MGAT4C: variants seen among roughly 807,000 people sequenced by gnomAD.
The protein encoded by MGAT4C is MGAT4 family member C, also known as alpha-1,3-mannosyl-glycoprotein 4-beta-N-acetylglucosaminyltransferase C.
Under a neutral mutation model 40.1 loss-of-function variants are expected in MGAT4C, and 19 were observed. That is an observed-to-expected ratio of 0.47 (90% CI 0.33 to 0.70). The LOEUF (loss-of-function observed/expected upper bound fraction) is 0.70, where lower values mean the gene tolerates loss of function less well. Ranked by LOEUF, MGAT4C falls within the 30% of genes least tolerant of loss-of-function variation. The pLI is 0.02. For synonymous variants in MGAT4C, 181 were observed against 187.1 expected (o/e 0.97, Z 0.27); for missense variants, 491 against 563.2 (o/e 0.87, Z 1.30).
intron 1 of MGAT4C, among the ~76,000 whole-genome samples, chr12:86,193,189 TTTGA>T (rs1282061745): frequency 4.0e-5 from 6 of 151,258 alleles, no homozygotes; most frequent in Admixed American, 6.6e-5. Flanking sequence ...CTTTTGTTCC[TTTGA>T]TTATCTTTCT....
intron 2 of MGAT4C, among the ~76,000 whole-genome samples, chr12:86,596,976 A>G (rs1961561341): frequency 6.6e-6 from 1 of 152,216 alleles, no homozygotes; most frequent in Non-Finnish European, 1.5e-5. Context: ...ACAACTGAGC[A>G]TCATTAATGT....
chr12:86,185,501 T>A (rs1888659696), intron 1 of MGAT4C, among the ~76,000 whole-genome samples: 1 of 152,130 alleles, frequency 6.6e-6, no homozygotes, highest in African/African-American at 2.4e-5. Flanking sequence ...TCTGTAGATA[T>A]ACACATAAGC....
chr12:86,720,567 G>A (rs183854191), intron 2 of MGAT4C, among the ~76,000 whole-genome samples: 5 of 152,098 alleles, frequency 3.3e-5, no homozygotes, highest in Non-Finnish European at 7.4e-5. Flanking sequence ...TCATGATCTA[G>A]CTCCTTACTC....
intron 2 of MGAT4C, among the ~76,000 whole-genome samples, chr12:86,503,787 CATATATATATAT>C (rs10679798): frequency 6.4e-5 from 1 of 15,736 alleles, no homozygotes; most frequent in Non-Finnish European, 1.2e-4. Context: ...GAGTTCTGCT[CATATATATATAT>C]ATATATATAT....
At chr12:86,680,299 C>A (rs1467241605) in intron 2 of MGAT4C, among the ~76,000 whole-genome samples, 1 of 151,816 alleles carries the variant, frequency 6.6e-6, no homozygotes, top group African/African-American at 2.4e-5. Flanking sequence ...GAAAATTTTA[C>A]AATTTATTTT....
At chr12:86,794,153 TAG>T (rs530967793) in intron 1 of MGAT4C, among the ~76,000 whole-genome samples, 188 of 151,912 alleles carry the variant, frequency 1.2e-3, no homozygotes, top group African/African-American at 4.1e-3. Flanking sequence ...ATTTAATATT[TAG>T]AGTTATAATA....
In MGAT4C at chr12:86,303,248, T is replaced by G. The variant is rs147645229; in HGVS notation, c.-57+30817A>C. On this transcript the variant is annotated intron_variant, in intron 4 of 7. Transcript: ENST00000548651. ...GTGAATTAATCTAAGATGTTATTAT[T>G]AATTGATTATGTCTGTATTCCTTTC... 7.3e-5 allele frequency among the ~76,000 whole-genome samples: 11 copies of G among 150,636 alleles called. 1 individual carries two copies. The East Asian group carries it at 1.9e-3, about 27-fold the overall frequency.
intron 1 of MGAT4C, among the ~76,000 whole-genome samples, chr12:86,160,028 C>G (rs1297001448): frequency 6.6e-6 from 1 of 151,784 alleles, no homozygotes; most frequent in Non-Finnish European, 1.5e-5. Flanking sequence ...ATTTTTACGT[C>G]TCAATTTCAT....
At chr12:86,261,489 A>G (rs915483035) in intron 4 of MGAT4C, among the ~76,000 whole-genome samples, 2 of 152,106 alleles carry the variant, frequency 1.3e-5, no homozygotes, top group East Asian at 1.9e-4. Flanking sequence ...TCTGTTCCTC[A>G]TTTGAATTAG....
chr12:85,994,196 C>G (rs960459329), intron 2 of MGAT4C, among the ~76,000 whole-genome samples: 2 of 152,162 alleles, frequency 1.3e-5, no homozygotes, highest in Admixed American at 1.3e-4. Flanking sequence ...GATATAATTC[C>G]CAAGAGTTGA....
chr12:86,327,355 T>G (rs1268285945), intron 4 of MGAT4C, among the ~76,000 whole-genome samples: 1 of 152,090 alleles, frequency 6.6e-6, no homozygotes, highest in African/African-American at 2.4e-5. Context: ...TATTATTTAT[T>G]TAGATTGCTG....
intron 2 of MGAT4C, among the ~76,000 whole-genome samples, chr12:86,587,645 C>A (rs1284606345): frequency 6.6e-6 from 1 of 151,998 alleles, no homozygotes; most frequent in Non-Finnish European, 1.5e-5. Flanking sequence ...TTGTAGTTCT[C>A]CTTGAAGAGG....
intron 2 of MGAT4C, among the ~76,000 whole-genome samples, chr12:86,014,978 CTT>C (rs113674418): frequency 1.3e-4 from 18 of 134,510 alleles, no homozygotes; most frequent in Non-Finnish European, 1.9e-4. Context: ...TTCTTTCTTT[CTT>C]TTTTTTTTTT....
intron 3 of MGAT4C, among the ~76,000 whole-genome samples, chr12:86,377,819 A>G (rs1955858816): frequency 6.6e-6 from 1 of 152,230 alleles, no homozygotes; most frequent in African/African-American, 2.4e-5. Context: ...TCAGCTTTCC[A>G]AACTGAAATC....
At chr12:86,060,617 T>C (rs1893860287) in intron 1 of MGAT4C, among the ~76,000 whole-genome samples, 1 of 152,198 alleles carries the variant, frequency 6.6e-6, no homozygotes, top group South Asian at 2.1e-4. Context: ...ATGTGTATAA[T>C]CTTTCAATTT....
chr12:86,836,476 C>T (rs190221277), intron 1 of MGAT4C, among the ~76,000 whole-genome samples: 219 of 151,892 alleles, frequency 1.4e-3, no homozygotes, highest in African/African-American at 4.4e-3. Flanking sequence ...TGTTATTTAA[C>T]GACAACTAAT....
At chr12:86,766,676 C>G (rs1951515140) in intron 1 of MGAT4C, among the ~76,000 whole-genome samples, 1 of 151,882 alleles carries the variant, frequency 6.6e-6, no homozygotes, top group South Asian at 2.1e-4. Context: ...ATCTCTCAGA[C>G]CACAGTGCAA....
In MGAT4C at chr12:85,966,995, T is replaced by C. The variant is rs963675606; in HGVS notation, c.*12294A>G. On this transcript the variant is annotated 3_prime_UTR_variant, in exon 5 of 5. Transcript: ENST00000611864. The stretch of plus-strand genomic sequence containing the variant: ...CACCAACATGGCACAGGTATACATA[T>C]GTAACAAACCTGCAAGTTGTGCACA... 2.0e-5 allele frequency: 3 copies of C among 152,032 alleles called. No homozygotes were observed. Among genetic ancestry groups the C allele is most frequent in the Non-Finnish European group, 4.4e-5 (3 of 68,016 alleles). 9.4% of individuals were successfully genotyped at this position (152,032 alleles called of 1,614,324 possible). A position where few individuals can be genotyped will look rare whatever the true frequency, so the allele number is the denominator to read the frequency against.
chr12:86,062,715 T>C (rs1894115625), intron 1 of MGAT4C, among the ~76,000 whole-genome samples: 1 of 151,658 alleles, frequency 6.6e-6, no homozygotes, highest in Non-Finnish European at 1.5e-5. Context: ...GCACGAGAAC[T>C]TCATGAAGCA....
Sources: allele counts gnomAD v4.1 joint callset (sites outside exome capture counted in the v4.1 genomes callset), GRCh38; gene constraint gnomAD v4.1.1; transcripts MANE v1.5; gene names NCBI Gene and HGNC (gene_info 2026-07-23, HGNC 2026-07-21).